The following SGCZ variants were observed in gnomAD, a reference collection of about 807,000 sequenced individuals.
SGCZ encodes sarcoglycan zeta.
SGCZ carries 40 observed loss-of-function variants against 41.3 expected under a neutral mutation model. That is an observed-to-expected ratio of 0.97 (90% confidence interval 0.75 to 1.26). The LOEUF (loss-of-function observed/expected upper bound fraction) is 1.26. Ranked by LOEUF, SGCZ falls within the 50% of genes most tolerant of loss-of-function variation. SGCZ has a pLI of 0.00. For synonymous variants in SGCZ, 206 were observed against 137.5 expected, an observed-to-expected ratio of 1.50 and a Z score of -3.49; for missense variants, 552 against 369.8, an observed-to-expected ratio of 1.49 and a Z score of -4.04.
chr8:15,011,056 T>C (rs1802810357), intron 1 of SGCZ, among the ~76,000 whole-genome samples: 1 of 152,232 alleles, frequency 6.6e-6, no homozygotes, highest in African/African-American at 2.4e-5. Flanking sequence ...CAATTTTTTC[T>C]TTAAATTTCC....
chr8:14,492,264 T>A (rs1801862607), intron 2 of SGCZ, among the ~76,000 whole-genome samples: 1 of 152,204 alleles, frequency 6.6e-6, no homozygotes, highest in Non-Finnish European at 1.5e-5. Flanking sequence ...ACTGAAATAA[T>A]CTGATTAAAT....
chr8:14,561,943 C>G (rs1804219076), intron 1 of SGCZ, among the ~76,000 whole-genome samples: 1 of 152,082 alleles, frequency 6.6e-6, no homozygotes, highest in Non-Finnish European at 1.5e-5. Context: ...GGTTTTCAGA[C>G]AGGGTTAGTT....
At chr8:14,985,627 T>C (rs543575035) in intron 1 of SGCZ, among the ~76,000 whole-genome samples, 2 of 152,316 alleles carry the variant, frequency 1.3e-5, no homozygotes, top group African/African-American at 4.8e-5. Flanking sequence ...CAGAAATGAA[T>C]TGTTGCATTG....
chr8:14,632,497 C>T (rs1261759762), intron 1 of SGCZ, among the ~76,000 whole-genome samples: 1 of 152,024 alleles, frequency 6.6e-6, no homozygotes, highest in African/African-American at 2.4e-5. Context: ...ATGGCTTCAA[C>T]AAAATACACT....
Position 14,372,261 on chromosome 8 carries a change from C to T in SGCZ, c.235-48057G>A, listed in dbSNP as rs145847588. On this transcript the variant is annotated intron_variant, in intron 2 of 7. Transcript: ENST00000382080. The stretch of plus-strand genomic sequence containing the variant: ...TTGCGAAACAGAAGTCTCTTAGTAA[C>T]GACCTTGTGCTATAGGTTGAAGGTT... Among the ~76,000 whole-genome samples, 455 of 152,210 alleles carry T rather than the reference C, an allele frequency of 3.0e-3. 6 individuals are homozygous for T. Among genetic ancestry groups the T allele is most frequent in the African/African-American group, 0.01 (432 of 41,532 alleles).
At chr8:15,202,814 G>C (rs957176343) in intron 1 of SGCZ, among the ~76,000 whole-genome samples, 1 of 151,934 alleles carries the variant, frequency 6.6e-6, no homozygotes, top group East Asian at 1.9e-4. Context: ...TAAAAAGCTA[G>C]GTTAAGACAA....
intron 1 of SGCZ, among the ~76,000 whole-genome samples, chr8:15,087,133 T>C (rs1805979128): frequency 6.6e-6 from 1 of 152,040 alleles, no homozygotes; most frequent in Non-Finnish European, 1.5e-5. Context: ...AAAATGAAGA[T>C]AATAAAACCT....
chr8:14,202,426 T>C (rs2117073569), intron 4 of SGCZ, among the ~76,000 whole-genome samples: 2 of 152,232 alleles, frequency 1.3e-5, no homozygotes, highest in East Asian at 3.9e-4. Flanking sequence ...AAGTTTGTGG[T>C]AATTTGTTGC....
chr8:14,111,399 C>A (rs1223738139), intron 5 of SGCZ, among the ~76,000 whole-genome samples: 1 of 152,148 alleles, frequency 6.6e-6, no homozygotes, highest in African/African-American at 2.4e-5. Context: ...AGAGAAAAGA[C>A]AGACTGTCAT....
intron 1 of SGCZ, among the ~76,000 whole-genome samples, chr8:14,768,288 G>A (rs1800108902): frequency 6.6e-6 from 1 of 152,154 alleles, no homozygotes; most frequent in African/African-American, 2.4e-5. Flanking sequence ...TCCATTGACT[G>A]AGCTATTCAA....
In SGCZ at chr8:14,923,445, C is replaced by G. The variant is rs192500362; in HGVS notation, c.39+314140G>C. Among the ~76,000 whole-genome samples the G allele has an allele frequency of 3.7e-3, 568 of 152,258 alleles. 4 individuals carry two copies. Among genetic ancestry groups the G allele is most frequent in the South Asian group, 0.012 (58 of 4,818 alleles). On this transcript the variant is annotated intron_variant, in intron 1 of 7. Transcript: ENST00000382080. ...TGCAGAGACAATGTAGAGATGGTAT[C>G]AGTTAACTGAACTGAAATGGTTCCC... is the stretch of plus-strand genomic sequence containing the variant.
In SGCZ at chr8:14,401,864, C is replaced by G. The variant is rs1386838260; in HGVS notation, c.235-77660G>C. ...TCTAGATCCCTGAGGAATCGCCACA[C>G]TGACTTCCACAATGGTTGAACTAGT... On this transcript the variant is annotated intron_variant, in intron 2 of 7. Transcript: ENST00000382080. 8.6e-5 allele frequency among the ~76,000 whole-genome samples: 13 copies of G among 150,782 alleles called. No individual in the cohort carries two copies. The East Asian group carries it at 2.5e-3, about 29-fold the overall frequency.
intron 2 of SGCZ, among the ~76,000 whole-genome samples, chr8:14,457,409 C>A (rs1463334478): frequency 6.6e-6 from 1 of 152,198 alleles, no homozygotes; most frequent in African/African-American, 2.4e-5. Context: ...GAACAACACC[C>A]GCTACTTAGC....
At chr8:14,868,845 T>C (rs898450302) in intron 1 of SGCZ, among the ~76,000 whole-genome samples, 1 of 151,918 alleles carries the variant, frequency 6.6e-6, no homozygotes, top group Non-Finnish European at 1.5e-5. Context: ...CTAGAAGAAA[T>C]GGATAAATTC....
At chr8:14,464,890 G>A (rs908779967) in intron 2 of SGCZ, among the ~76,000 whole-genome samples, 1 of 151,182 alleles carries the variant, frequency 6.6e-6, no homozygotes, top group African/African-American at 2.4e-5. Context: ...GAATTTTCCT[G>A]TTTCTCTTCT....
intron 1 of SGCZ, among the ~76,000 whole-genome samples, chr8:15,206,510 C>T (rs899287464): frequency 1.3e-5 from 2 of 148,920 alleles, no homozygotes; most frequent in Admixed American, 6.7e-5. Context: ...CAGTACATGG[C>T]ACCATCTTGG....
intron 1 of SGCZ, among the ~76,000 whole-genome samples, chr8:15,032,847 G>T (rs1167439750): frequency 1.3e-5 from 2 of 152,088 alleles, no homozygotes; most frequent in African/African-American, 4.8e-5. Flanking sequence ...CAGCCTCTGT[G>T]GATACAGGCT....
At chr8:14,678,667 C>T (rs930630867) in intron 1 of SGCZ, among the ~76,000 whole-genome samples, 1 of 152,170 alleles carries the variant, frequency 6.6e-6, no homozygotes, top group African/African-American at 2.4e-5. Context: ...TCCTATGATC[C>T]AGCAATCGTG....
rs1387859229 is a variant in SGCZ, at chr8:14,352,167, G to C, written c.235-27963C>G. Among the ~76,000 whole-genome samples the C allele has an allele frequency of 2.0e-5, 3 of 152,012 alleles. No homozygotes were observed. The East Asian group carries it at 5.8e-4, about 29-fold the overall frequency. On this transcript the variant is annotated intron_variant, in intron 2 of 7. Coordinates refer to ENST00000382080, the MANE Select transcript of SGCZ (RefSeq NM_139167.4). ...CTTTCAGGGTAAATTTGAAGTAAAA[G>C]AGTTACAAAAACTTGTGTGAAGACT...
Sources: gnomAD v4.1 joint callset for allele counts (sites outside exome capture counted in the v4.1 genomes callset) on GRCh38, gnomAD v4.1.1 for gene constraint, MANE v1.5 for transcripts, NCBI Gene and HGNC (gene_info 2026-07-23, HGNC 2026-07-21) for gene names.